Variants in SNTG1 observed in about 807,000 individuals in gnomAD.
SNTG1 encodes gamma-1-syntrophin.
A neutral mutation model predicts 74.7 loss-of-function variants in SNTG1; 39 were observed. The ratio of observed to expected loss-of-function variants is 0.52; its 90% CI spans 0.40 to 0.68. SNTG1 has a LOEUF of 0.68. SNTG1 is among the 30% of genes least tolerant of loss of function. The pLI, the probability that SNTG1 is intolerant of heterozygous loss-of-function variation, is 0.00. For missense variants in SNTG1, 685 were observed against 609.5 expected (o/e 1.12, Z -1.30); for synonymous variants, 254 against 217.1 (o/e 1.17, Z -1.49).
At position 50,416,811 on chromosome 8, in the gene SNTG1, C is replaced by T. The variant is rs1048940270; in HGVS notation, c.162+14467C>T. Among the ~76,000 whole-genome samples, 13 of 152,106 alleles carry T rather than the reference C, an allele frequency of 8.5e-5. 1 individual carries two copies. The highest frequency in any genetic ancestry group is 2.9e-4 in the African/African-American group (12 of 41,504). On this transcript the variant is annotated intron_variant, in intron 4 of 18. Coordinates refer to ENST00000642720, the MANE Select transcript of SNTG1 (RefSeq NM_018967.5). ...GATCTGTCCATAATAGAGTGATAGCCGTGCTGAACTCTATGTCATGGATCC... is the reference window on the plus strand; with the variant it reads ...GATCTGTCCATAATAGAGTGATAGCTGTGCTGAACTCTATGTCATGGATCC...
In SNTG1 at chr8:50,553,196, G is replaced by A; in HGVS notation, c.810+17G>A. The A allele has an allele frequency of 6.2e-7, 1 of 1,613,284 alleles. No homozygotes were observed. Among genetic ancestry groups the A allele is most frequent in the Non-Finnish European group, 8.5e-7 (1 of 1,179,612 alleles). On this transcript the variant is annotated intron_variant, in intron 12 of 18. Transcript: ENST00000642720. ...AAGCACAATGTAAGTAATGATTCAA[G>A]GAATACCTAGCCAGGGTTTCTCAGG...
At chr8:50,724,116 A>G (rs972225976) in intron 17 of SNTG1, among the ~76,000 whole-genome samples, 3 of 152,176 alleles carry the variant, frequency 2.0e-5, no homozygotes, top group African/African-American at 7.2e-5. Context: ...CTTTTATTCC[A>G]TGGTGTTATT....
rs559236960 is a variant in SNTG1, at chr8:50,534,497, TA to T, written c.550-2174del. 2.6e-3 allele frequency among the ~76,000 whole-genome samples: 398 copies of T among 152,222 alleles called. 2 individuals are homozygous for T. Among genetic ancestry groups the T allele is most frequent in the African/African-American group, 9.3e-3 (385 of 41,530 alleles). ...GGGAAGTAATAATAAAATACTTCTT[TA>T]AAAAAACTTTCTTGTCTCACGCCTG... On this transcript the variant is annotated intron_variant, in intron 10 of 18. Coordinates refer to ENST00000642720, the MANE Select transcript of SNTG1 (RefSeq NM_018967.5).
chr8:50,536,892 C>T (rs1271862516), intron 11 of SNTG1, 84 bp downstream of exon 11: 10 of 1,465,464 alleles, frequency 6.8e-6, no homozygotes, highest in Non-Finnish European at 9.3e-6. Flanking sequence ...TCACAATACG[C>T]CTTATGATTT....
intron 9 of SNTG1, among the ~76,000 whole-genome samples, chr8:50,511,131 G>A (rs552890292): frequency 4.1e-4 from 63 of 152,238 alleles, no homozygotes; most frequent in Non-Finnish European, 6.6e-4. Flanking sequence ...CTTCTCATTG[G>A]TTTTAAAGAA....
intron 12 of SNTG1, among the ~76,000 whole-genome samples, chr8:50,579,324 G>T (rs765616236): frequency 1.3e-5 from 2 of 152,160 alleles, no homozygotes; most frequent in Non-Finnish European, 2.9e-5. Context: ...CAGCAAAGAG[G>T]AATCAGAGCA....
chr8:50,516,345 G>T (rs1211657711), intron 9 of SNTG1, among the ~76,000 whole-genome samples: 2 of 152,104 alleles, frequency 1.3e-5, no homozygotes, highest in African/African-American at 2.4e-5. Flanking sequence ...GGAAAAACCA[G>T]CACACAAAGT....
rs192873893 is a variant in SNTG1 at position 50,324,068 on chromosome 8, C to T, written c.-27-70144C>T. The stretch of plus-strand genomic sequence containing the variant: ...GCAATTGCAGTCTTTGTATCCTATA[C>T]TGCCTTTCAAGTTTACCTAGGACCC... On this transcript the variant is annotated intron_variant, in intron 2 of 18. Coordinates refer to ENST00000642720, the MANE Select transcript of SNTG1 (RefSeq NM_018967.5). 2.5e-3 allele frequency among the ~76,000 whole-genome samples: 388 copies of T among 152,268 alleles called. 6 individuals carry two copies. The highest frequency in any genetic ancestry group is 0.01 in the Middle Eastern group (3 of 294).
At chr8:50,586,883 T>C (rs1005788037) in intron 12 of SNTG1, among the ~76,000 whole-genome samples, 4 of 152,064 alleles carry the variant, frequency 2.6e-5, no homozygotes, top group African/African-American at 9.7e-5. Context: ...TTTTATTTTC[T>C]AATGATAAAA....
chr8:50,160,596 T>C (rs891731288), intron 1 of SNTG1, among the ~76,000 whole-genome samples: 2 of 151,806 alleles, frequency 1.3e-5, no homozygotes, highest in African/African-American at 4.9e-5. Context: ...TAAAATAACA[T>C]AGTGTATTAG....
chr8:50,474,665 G>T (rs2093681528), intron 8 of SNTG1, among the ~76,000 whole-genome samples: 1 of 152,164 alleles, frequency 6.6e-6, no homozygotes, highest in African/African-American at 2.4e-5. Context: ...GGAAGTCGGT[G>T]TGGCAATTCC....
chr8:50,621,488 T>A (rs560026417), intron 13 of SNTG1, among the ~76,000 whole-genome samples: 1 of 152,366 alleles, frequency 6.6e-6, no homozygotes, highest in Non-Finnish European at 1.5e-5. Flanking sequence ...TTGATAGCCA[T>A]TATTAGCTTA....
chr8:50,731,411 G>T (rs1349310159), intron 17 of SNTG1, among the ~76,000 whole-genome samples: 1 of 152,084 alleles, frequency 6.6e-6, no homozygotes, highest in Non-Finnish European at 1.5e-5. Flanking sequence ...GTATCATTAT[G>T]CAAATTAGTA....
intron 2 of SNTG1, among the ~76,000 whole-genome samples, chr8:50,325,285 G>A (rs565536289): frequency 1.3e-5 from 2 of 151,674 alleles, no homozygotes; most frequent in South Asian, 2.1e-4. Context: ...TACTGGAATT[G>A]TAATAAATCT....
At chr8:50,674,324 A>T (rs2095299808) in intron 15 of SNTG1, among the ~76,000 whole-genome samples, 2 of 152,100 alleles carry the variant, frequency 1.3e-5, no homozygotes, top group Non-Finnish European at 2.9e-5. Context: ...TTTGGTTGGT[A>T]GGCTATTAAT....
intron 12 of SNTG1, among the ~76,000 whole-genome samples, chr8:50,561,888 G>A (rs2094490387): frequency 6.6e-6 from 1 of 152,142 alleles, no homozygotes; most frequent in African/African-American, 2.4e-5. Context: ...CTGGACATTA[G>A]AACTCACTTT....
chr8:50,270,768 T>C (rs1258182336), intron 2 of SNTG1, among the ~76,000 whole-genome samples: 3 of 152,168 alleles, frequency 2.0e-5, no homozygotes, highest in Non-Finnish European at 4.4e-5. Flanking sequence ...TTAGCACATA[T>C]TGATTCTGAG....
At chr8:50,688,176 A>G (rs1367297205) in intron 15 of SNTG1, among the ~76,000 whole-genome samples, 1 of 152,070 alleles carries the variant, frequency 6.6e-6, no homozygotes, top group African/African-American at 2.4e-5. Context: ...AGATGAGTAG[A>G]TTGCAAAAAT....
intron 2 of SNTG1, among the ~76,000 whole-genome samples, chr8:50,334,965 A>G (rs924547660): frequency 6.6e-6 from 1 of 152,174 alleles, no homozygotes; most frequent in African/African-American, 2.4e-5. Flanking sequence ...TATACTTACA[A>G]AGGAGACTAT....
Sources: allele counts gnomAD v4.1 joint callset (sites outside exome capture counted in the v4.1 genomes callset), GRCh38; gene constraint gnomAD v4.1.1; transcripts MANE v1.5; gene names NCBI Gene and HGNC (gene_info 2026-07-23, HGNC 2026-07-21).